Variants in CFAP61 observed in about 807,000 individuals in gnomAD.
CFAP61 encodes cilia- and flagella-associated protein 61.
In CFAP61, 107 loss-of-function variants were observed where a neutral mutation model predicts 135.6. That is an observed-to-expected ratio of 0.79 (90% confidence interval 0.67 to 0.93). CFAP61 has a LOEUF of 0.93. CFAP61 is among the 40% of genes least tolerant of loss of function. The pLI is 0.00. For synonymous variants in CFAP61, 575 were observed against 578.5 expected (o/e 0.99, Z 0.09); for missense variants, 1,507 against 1,556.2 (o/e 0.97, Z 0.53).
At chr20:20,241,125 T>A (rs926612850) in intron 18 of CFAP61, among the ~76,000 whole-genome samples, 1 of 152,036 alleles carries the variant, frequency 6.6e-6, no homozygotes, top group Non-Finnish European at 1.5e-5. Context: ...GAAGAGAAGA[T>A]AGGTTTAATG....
chr20:20,191,313 G>A (rs368659434), intron 14 of CFAP61, 29 bp from the exon 15 acceptor site: 5 of 1,579,726 alleles, frequency 3.2e-6, no homozygotes, highest in Non-Finnish European at 4.3e-6. Context: ...TATTTTTAAG[G>A]GTCTTAAAAT....
At chr20:20,303,245 C>T (rs1252576572) in intron 25 of CFAP61, among the ~76,000 whole-genome samples, 1 of 152,100 alleles carries the variant, frequency 6.6e-6, no homozygotes, top group Non-Finnish European at 1.5e-5. Flanking sequence ...TTTGTTTCTC[C>T]CTAAATAGAA....
intron 20 of CFAP61, among the ~76,000 whole-genome samples, chr20:20,262,084 A>C (rs1312507363): frequency 6.6e-6 from 1 of 152,218 alleles, no homozygotes; most frequent in Admixed American, 6.5e-5. Context: ...CTTAAATTTC[A>C]ACCCCAGATA....
intron 19 of CFAP61, among the ~76,000 whole-genome samples, chr20:20,246,438 T>C (rs547623711): frequency 1.4e-4 from 22 of 152,292 alleles, no homozygotes; most frequent in African/African-American, 5.3e-4. Context: ...TGGGAAGACA[T>C]CTGCCCTGTT....
intron 8 of CFAP61, among the ~76,000 whole-genome samples, chr20:20,103,875 G>A (rs1568910589): frequency 6.6e-6 from 1 of 152,088 alleles, no homozygotes. Flanking sequence ...CAGCTGTACT[G>A]GCATTGCCGC....
At chr20:20,191,545 T>TA in intron 15 of CFAP61, 126 bp downstream of exon 15, 2 of 608,180 alleles carry the variant, frequency 3.3e-6, no homozygotes, top group Non-Finnish European at 5.8e-6. Flanking sequence ...TTCTGATGGA[T>TA]ATCATCATCA....
At chr20:20,054,983 T>G (rs568087816) in intron 1 of CFAP61, among the ~76,000 whole-genome samples, 1 of 152,360 alleles carries the variant, frequency 6.6e-6, no homozygotes, top group South Asian at 2.1e-4. Flanking sequence ...CATTCTGTCT[T>G]ACATGTGTCT....
At chr20:20,309,374 A>G (rs2122186284) in intron 25 of CFAP61, among the ~76,000 whole-genome samples, 1 of 152,282 alleles carries the variant, frequency 6.6e-6, no homozygotes, top group African/African-American at 2.4e-5. Context: ...AAAAGAATTG[A>G]AGGGGAACTG....
At chr20:20,169,017 G>C (rs906114624) in intron 12 of CFAP61, among the ~76,000 whole-genome samples, 1 of 152,166 alleles carries the variant, frequency 6.6e-6, no homozygotes, top group African/African-American at 2.4e-5. Flanking sequence ...GAACTTACCT[G>C]TATGAATTGT....
chr20:20,257,097 CAG>C (rs944715401), intron 20 of CFAP61, among the ~76,000 whole-genome samples: 2 of 152,040 alleles, frequency 1.3e-5, no homozygotes, highest in African/African-American at 2.4e-5. Flanking sequence ...AAAAATAAAA[CAG>C]ATATCAAAAT....
intron 22 of CFAP61, among the ~76,000 whole-genome samples, chr20:20,280,296 A>G (rs1319467080): frequency 2.0e-5 from 3 of 152,154 alleles, no homozygotes; most frequent in Admixed American, 6.5e-5. Context: ...ATTGCTAGCA[A>G]CCGTCAGGAA....
intron 6 of CFAP61, among the ~76,000 whole-genome samples, chr20:20,088,363 TCA>T (rs1244856432): frequency 2.6e-5 from 4 of 152,152 alleles, no homozygotes; most frequent in Admixed American, 2.0e-4. Context: ...TTTAATTGAC[TCA>T]CAGTTCTGCA....
intron 12 of CFAP61, among the ~76,000 whole-genome samples, chr20:20,167,552 G>A (rs1034673208): frequency 6.6e-6 from 1 of 152,044 alleles, no homozygotes; most frequent in African/African-American, 2.4e-5. Context: ...TCGGAACATG[G>A]ACGACAGGAA....
At chr20:20,237,772 C>A (rs2049709211) in intron 18 of CFAP61, among the ~76,000 whole-genome samples, 1 of 152,172 alleles carries the variant, frequency 6.6e-6, no homozygotes, top group Non-Finnish European at 1.5e-5. Flanking sequence ...GATAAGGATG[C>A]AAACCAGGTC....
Position 20,246,119 on chromosome 20 carries a change from C to T in CFAP61, c.2063C>T (p.Ser688Phe). The change falls in exon 19 of 27, where the codon TCT (serine) becomes TTT (phenylalanine). Residue 688 changes from serine to phenylalanine, a missense_variant and splice_region_variant. Transcript: ENST00000245957. ...TTTTCATTTTTCTTTTTCTTTAGCT[C>T]TCACATGAAGTTTAATAATCTTACC... The part of the protein sequence containing the change: ...ISFLETLVFC[S>F]HMKFNNLTLI... 2 of 1,595,062 alleles carry T rather than the reference C, an allele frequency of 1.3e-6. No individual in the cohort carries two copies. Among genetic ancestry groups the T allele is most frequent in the Non-Finnish European group, 1.7e-6 (2 of 1,166,506 alleles).
chr20:20,072,957 GA>G (rs2045825742), intron 3 of CFAP61, among the ~76,000 whole-genome samples: 1 of 152,118 alleles, frequency 6.6e-6, no homozygotes, highest in South Asian at 2.1e-4. Flanking sequence ...TAGAAAATTT[GA>G]AATGACATTT....
At chr20:20,167,882 G>A (rs926264796) in intron 12 of CFAP61, among the ~76,000 whole-genome samples, 11 of 152,244 alleles carry the variant, frequency 7.2e-5, no homozygotes, top group South Asian at 2.1e-4. Flanking sequence ...AATTAGCTTC[G>A]GGAAGAGCAG....
intron 17 of CFAP61, among the ~76,000 whole-genome samples, chr20:20,222,839 C>G (rs2048491292): frequency 6.6e-6 from 1 of 152,162 alleles, no homozygotes; most frequent in African/African-American, 2.4e-5. Context: ...CACTGTAAAT[C>G]TGTCATAATT....
intron 17 of CFAP61, among the ~76,000 whole-genome samples, chr20:20,201,553 A>C (rs1042210151): frequency 1.3e-5 from 2 of 152,200 alleles, no homozygotes; most frequent in African/African-American, 4.8e-5. Context: ...GTCTGTTTGC[A>C]TGTGAAGATC....
Sources: allele counts gnomAD v4.1 joint callset (sites outside exome capture counted in the v4.1 genomes callset), GRCh38; gene constraint gnomAD v4.1.1; transcripts MANE v1.5; gene names NCBI Gene and HGNC (gene_info 2026-07-23, HGNC 2026-07-21).